The following GOLGA8A variants were observed in gnomAD, a reference collection of about 807,000 sequenced individuals.
The protein encoded by GOLGA8A is golgin A8 family member A, also known as golgin subfamily A member 8A.
Under a neutral mutation model 22.1 loss-of-function variants are expected in GOLGA8A, and 3 were observed. The ratio of observed to expected loss-of-function variants is 0.14; its 90% CI spans 0.06 to 0.35. The LOEUF is 0.35. Ranked by LOEUF, GOLGA8A falls within the 10% of genes least tolerant of loss-of-function variation. The pLI is 1.00. For synonymous variants in GOLGA8A, 7 were observed against 91.7 expected, an observed-to-expected ratio of 0.08 and a Z score of 5.28; for missense variants, 16 against 233.2, an observed-to-expected ratio of 0.07 and a Z score of 6.07.
intron 2 of GOLGA8A, chr15:34,428,531 G>T (rs113642223): frequency 2.0e-5 from 3 of 149,238 alleles, no homozygotes; most frequent in African/African-American, 7.4e-5. Context: ...TGGGCCTCAC[G>T]GGAGGGAATA....
chr15:34,434,040 A>G (rs1321201169), intron 2 of GOLGA8A, among the ~76,000 whole-genome samples: 2 of 148,718 alleles, frequency 1.3e-5, no homozygotes, highest in Non-Finnish European at 3.0e-5. Flanking sequence ...GGACCAAGGG[A>G]TAAGATGAAA....
At position 34,433,341 on chromosome 15, in the gene GOLGA8A, G is replaced by A. The variant is rs180833974; in HGVS notation, c.-1123+2042C>T. ...CTCCTTCCAAAGTGCATCCACATCC[G>A]AGGTGACTGCAGGGAGACGCAGCGC... On this transcript the variant is annotated intron_variant, in intron 2 of 24. Coordinates refer to ENST00000359187, the MANE Select transcript of GOLGA8A (RefSeq NM_181077.5). Among the ~76,000 whole-genome samples the A allele has an allele frequency of 4.0e-5, 6 of 149,268 alleles. No individual in the cohort carries two copies. In the East Asian group the frequency reaches 9.8e-4, roughly 24 times the overall value.
chr15:34,429,971 T>C (rs1893156837), intron 2 of GOLGA8A, among the ~76,000 whole-genome samples: 1 of 147,242 alleles, frequency 6.8e-6, no homozygotes, highest in African/African-American at 2.5e-5. Flanking sequence ...GTTGCCAAAG[T>C]GAGGAGTGGG....
intron 2 of GOLGA8A, chr15:34,418,984 A>G (rs1188480871): frequency 2.2e-5 from 3 of 138,938 alleles, no homozygotes; most frequent in Non-Finnish European, 4.6e-5. Flanking sequence ...GGCTCACTGC[A>G]ACCTCCGCCT....
At chr15:34,420,426 C>T (rs1458792916) in intron 2 of GOLGA8A, among the ~76,000 whole-genome samples, 2 of 148,212 alleles carry the variant, frequency 1.3e-5, no homozygotes, top group Admixed American at 1.4e-4. Flanking sequence ...GGAGGGCTGC[C>T]CTGTTGACAG....
chr15:34,420,979 G>T (rs879835137), intron 2 of GOLGA8A, among the ~76,000 whole-genome samples: 2 of 134,604 alleles, frequency 1.5e-5, no homozygotes, highest in Non-Finnish European at 3.2e-5. Flanking sequence ...GGGGGCAACC[G>T]CCTGATTCCT....
chr15:34,383,672 GA>G, intron 18 of GOLGA8A, 73 bp downstream of exon 18: 1 of 129,252 alleles, frequency 7.7e-6, no homozygotes, highest in Admixed American at 1.8e-4. Context: ...AAGAGGCCCA[GA>G]AAGATCCAGT....
chr15:34,380,644 T>C lies in GOLGA8A; in HGVS notation c.*767A>G, dbSNP rs1180534937. 2 of 152,754 alleles carry C rather than the reference T, an allele frequency of 1.3e-5. No homozygotes were observed. Among genetic ancestry groups the C allele is most frequent in the African/African-American group, 2.4e-5 (1 of 41,452 alleles). The allele number at this position is 152,754 out of a possible 1,614,324, so 9.5% of individuals were successfully genotyped here. A position where few individuals can be genotyped will look rare whatever the true frequency, so the allele number is the denominator to read the frequency against. On this transcript the variant is annotated 3_prime_UTR_variant, in exon 25 of 25. Transcript: ENST00000359187. ...AACTGCTGCAGCTCACGATGCAATA[T>C]CTTCATGAGCCCAGAGCACATACAA...
At chr15:34,428,969 C>T (rs1375812063) in intron 2 of GOLGA8A, 1 of 148,220 alleles carries the variant, frequency 6.7e-6, no homozygotes, top group African/African-American at 2.5e-5. Context: ...TTGGCATCAG[C>T]TGCCACCTCC....
At chr15:34,400,520 G>A (rs1488350019) in intron 6 of GOLGA8A, among the ~76,000 whole-genome samples, 192 bp downstream of exon 6, 7 of 150,900 alleles carry the variant, frequency 4.6e-5, no homozygotes, top group East Asian at 2.0e-4. Context: ...GAGCCACCAC[G>A]CCCAGCCAAA....
At chr15:34,400,515 A>C (rs1242207882) in intron 6 of GOLGA8A, among the ~76,000 whole-genome samples, 197 bp downstream of exon 6, 1 of 151,200 alleles carries the variant, frequency 6.6e-6, no homozygotes, top group East Asian at 2.0e-4. Flanking sequence ...GGCATGAGCC[A>C]CCACGCCCAG....
At chr15:34,423,885 G>T (rs1239277424) in intron 2 of GOLGA8A, among the ~76,000 whole-genome samples, 1 of 149,256 alleles carries the variant, frequency 6.7e-6, no homozygotes, top group Non-Finnish European at 1.5e-5. Context: ...TGTGCACCCA[G>T]GGGGCCACCA....
At chr15:34,424,532 C>T (rs1247165503) in intron 2 of GOLGA8A, among the ~76,000 whole-genome samples, 2 of 145,822 alleles carry the variant, frequency 1.4e-5, no homozygotes, top group African/African-American at 5.1e-5. Flanking sequence ...AACTTTTCTA[C>T]AGACCAGCCA....
intron 1 of GOLGA8A, among the ~76,000 whole-genome samples, chr15:34,436,823 G>A (rs541157460): frequency 6.7e-6 from 1 of 149,878 alleles, no homozygotes; most frequent in African/African-American, 2.5e-5. Context: ...CCCCCAACCC[G>A]GCGCCTGCAG....
intron 2 of GOLGA8A, among the ~76,000 whole-genome samples, chr15:34,434,195 G>C (rs78543732): frequency 6.7e-6 from 1 of 149,414 alleles, no homozygotes; most frequent in Non-Finnish European, 1.5e-5. Context: ...TCTTGGGAGC[G>C]AGCGGGGGAA....
intron 1 of GOLGA8A, among the ~76,000 whole-genome samples, chr15:34,436,872 C>T (rs1893543247): frequency 6.7e-6 from 1 of 149,838 alleles, no homozygotes; most frequent in Admixed American, 6.7e-5. Context: ...GAGTTTTTCC[C>T]TCTGGGCCTT....
chr15:34,434,711 C>A (rs8037742), intron 2 of GOLGA8A, among the ~76,000 whole-genome samples: 8,969 of 149,344 alleles, frequency 0.06, 1,355 homozygotes, highest in African/African-American at 0.21. Flanking sequence ...CCGATGGGCA[C>A]ACAGGCTGCC....
intron 2 of GOLGA8A, among the ~76,000 whole-genome samples, chr15:34,427,330 CAAAAA>C (rs67775520): frequency 5.1e-5 from 4 of 78,842 alleles, no homozygotes; most frequent in Non-Finnish European, 5.0e-5. Context: ...GACTCCGTCA[CAAAAA>C]AAAAAAAAAA....
At chr15:34,425,101 A>AGTTG (rs1892928439) in intron 2 of GOLGA8A, among the ~76,000 whole-genome samples, 1 of 145,476 alleles carries the variant, frequency 6.9e-6, no homozygotes. Context: ...TAAATAAAAT[A>AGTTG]AATAAAATAA....
Sources: allele counts gnomAD v4.1 joint callset (sites outside exome capture counted in the v4.1 genomes callset), GRCh38; gene constraint gnomAD v4.1.1; transcripts MANE v1.5; gene names NCBI Gene and HGNC (gene_info 2026-07-23, HGNC 2026-07-21).